YAE1: variants seen among roughly 807,000 people sequenced by gnomAD.
YAE1 encodes the protein protein YAE1 homolog.
Under a neutral mutation model 23.0 loss-of-function variants are expected in YAE1, and 22 were observed. The ratio of observed to expected loss-of-function variants is 0.96; its 90% CI spans 0.68 to 1.37. YAE1 has a LOEUF of 1.37. Among genes scored for constraint, YAE1 ranks in the 40% most tolerant of loss-of-function variants. The pLI is 0.00. For synonymous variants in YAE1, 101 were observed against 97.0 expected (o/e 1.04, Z -0.24); for missense variants, 260 against 262.1 (o/e 0.99, Z 0.06).
chr7:39,597,645 T>C (rs758483292), intron 2 of YAE1, among the ~76,000 whole-genome samples: 7 of 152,170 alleles, frequency 4.6e-5, no homozygotes, highest in Non-Finnish European at 5.9e-5. Context: ...GTAAAACCAG[T>C]GTTAGCAGCA....
chr7:39,599,773 G>A (rs779628019), intron 2 of YAE1, among the ~76,000 whole-genome samples: 15 of 151,252 alleles, frequency 9.9e-5, no homozygotes, highest in African/African-American at 3.6e-4. Flanking sequence ...TCCCTCTGTC[G>A]TCCAGGCTGG....
chr7:39,578,521 G>C (rs893686636), intron 2 of YAE1, among the ~76,000 whole-genome samples: 1 of 152,168 alleles, frequency 6.6e-6, no homozygotes, highest in African/African-American at 2.4e-5. Flanking sequence ...TCACTGCAAC[G>C]GGCTGCAGCT....
downstream of YAE1, among the ~76,000 whole-genome samples, chr7:39,574,782 G>A (rs1169769348): frequency 6.7e-6 from 1 of 150,274 alleles, no homozygotes; most frequent in Non-Finnish European, 1.5e-5. Flanking sequence ...TTAAGTCCCT[G>A]TAGTCTTCGC....
intron 1 of YAE1, 62 bp downstream of exon 1, chr7:39,566,609 A>G (rs1365668218): frequency 1.2e-6 from 2 of 1,601,734 alleles, no homozygotes; most frequent in East Asian, 2.3e-5. Context: ...AGTTGTGAAG[A>G]AGCTGGGTCC....
At chr7:39,586,792 C>G (rs1010512332) in intron 2 of YAE1, among the ~76,000 whole-genome samples, 1 of 152,184 alleles carries the variant, frequency 6.6e-6, no homozygotes, top group Non-Finnish European at 1.5e-5. Context: ...CCACTGCAGT[C>G]GGCCGATAAC....
At chr7:39,597,395 T>G (rs994344219) in intron 2 of YAE1, among the ~76,000 whole-genome samples, 4 of 152,020 alleles carry the variant, frequency 2.6e-5, no homozygotes, top group Non-Finnish European at 4.4e-5. Flanking sequence ...CATAGTGAGA[T>G]TCCATCTCTA....
downstream of YAE1, among the ~76,000 whole-genome samples, chr7:39,574,656 C>T (rs1790625659): frequency 6.7e-6 from 1 of 148,598 alleles, no homozygotes; most frequent in African/African-American, 2.5e-5. Context: ...TTGCTTGAGC[C>T]TAGGAAGCGG....
chr7:39,572,248 A>G (rs1188602510), intron 2 of YAE1, 29 bp from the exon 3 acceptor site: 6 of 1,565,058 alleles, frequency 3.8e-6, no homozygotes, highest in Non-Finnish European at 5.2e-6. Flanking sequence ...CTATTTTGCT[A>G]TTTAACCCTT....
intron 1 of YAE1, chr7:39,570,228 G>T: frequency 3.2e-6 from 2 of 630,278 alleles, no homozygotes; most frequent in South Asian, 2.0e-5. Flanking sequence ...CACAGCAAGC[G>T]TGGCGGCCCA....
At position 39,589,309 on chromosome 7, in the gene YAE1, T is replaced by C. The variant is rs117646489; in HGVS notation, c.251+18682T>C. On this transcript the variant is annotated intron_variant, in intron 2 of 2. Transcript: ENST00000432096. The stretch of plus-strand genomic sequence containing the variant: ...CCCCATGAACACATGTGTTTTAGAA[T>C]ATGAACTCTAAAGTTAAAGTTTAAA... 3.2e-3 allele frequency among the ~76,000 whole-genome samples: 494 copies of C among 152,338 alleles called. 2 individuals carry two copies. Among genetic ancestry groups the C allele is most frequent in the Middle Eastern group, 0.017 (5 of 294 alleles).
At chr7:39,604,798 C>G (rs1791105273) in intron 2 of YAE1, among the ~76,000 whole-genome samples, 1 of 152,026 alleles carries the variant, frequency 6.6e-6, no homozygotes, top group Non-Finnish European at 1.5e-5. Flanking sequence ...TTTAAGGTAT[C>G]ACATTTTATG....
chr7:39,597,758 C>A (rs1790996800), intron 2 of YAE1, among the ~76,000 whole-genome samples: 1 of 152,020 alleles, frequency 6.6e-6, no homozygotes, highest in African/African-American at 2.4e-5. Flanking sequence ...TTAACCCCAT[C>A]CTTTCACTTC....
chr7:39,583,858 G>T (rs114601684), intron 2 of YAE1, among the ~76,000 whole-genome samples: 2,571 of 152,226 alleles, frequency 0.017, 83 homozygotes, highest in African/African-American at 0.057. Flanking sequence ...TCATCTGTCA[G>T]ACCTACCTCC....
At chr7:39,609,979 A>C in exon 3 of YAE1, 1 of 1,518,772 alleles carries the variant, frequency 6.6e-7, no homozygotes, top group East Asian at 2.5e-5. Context: ...AGAGGTGGAC[A>C]CATTTAGAAG....
At chr7:39,603,853 T>G (rs1178750768) in intron 2 of YAE1, among the ~76,000 whole-genome samples, 1 of 152,158 alleles carries the variant, frequency 6.6e-6, no homozygotes, top group African/African-American at 2.4e-5. Flanking sequence ...GAAGTTGGAT[T>G]TGGAGAAAGT....
intron 2 of YAE1, among the ~76,000 whole-genome samples, chr7:39,601,481 C>T (rs918189028): frequency 3.3e-5 from 5 of 152,032 alleles, no homozygotes; most frequent in Admixed American, 6.6e-5. Context: ...TATAAAGGGC[C>T]GGGCACGGTG....
downstream of YAE1, among the ~76,000 whole-genome samples, chr7:39,575,632 C>T (rs1357192111): frequency 6.6e-6 from 1 of 151,018 alleles, no homozygotes; most frequent in Non-Finnish European, 1.5e-5. Flanking sequence ...TCTTGTTCTA[C>T]AGAAATTCTC....
intron 2 of YAE1, among the ~76,000 whole-genome samples, chr7:39,586,494 C>T (rs115684574): frequency 0.012 from 1,691 of 146,664 alleles, 25 homozygotes; most frequent in African/African-American, 0.038. Context: ...TATCATTTCT[C>T]TCTTTCTTTC....
Position 39,566,415 on chromosome 7 carries a change from G to A in YAE1, c.-4G>A, listed in dbSNP as rs939949475. The A allele has an allele frequency of 6.2e-7, 1 of 1,613,286 alleles. No individual in the cohort carries two copies. Among genetic ancestry groups the A allele is most frequent in the Non-Finnish European group, 8.5e-7 (1 of 1,179,308 alleles). ...TGGCCTGCGACCCCGTAATTGCCTC[G>A]GTGATGTCGTGGGTTCAAGCAGCCT... On this transcript the variant is annotated 5_prime_UTR_variant, in exon 1 of 3. Coordinates refer to ENST00000223273, the MANE Select transcript of YAE1 (RefSeq NM_020192.5).
Sources: allele counts gnomAD v4.1 joint callset (sites outside exome capture counted in the v4.1 genomes callset), GRCh38; gene constraint gnomAD v4.1.1; transcripts MANE v1.5; gene names NCBI Gene and HGNC (gene_info 2026-07-23, HGNC 2026-07-21).